Variants in PRKAR1B observed in about 807,000 individuals in gnomAD.
The protein encoded by PRKAR1B is cAMP-dependent protein kinase type I-beta regulatory subunit.
In PRKAR1B, 22 loss-of-function variants were observed where a neutral mutation model predicts 46.5. The ratio of observed to expected loss-of-function variants is 0.47; its 90% CI spans 0.34 to 0.68. The LOEUF is 0.68. Ranked by LOEUF, PRKAR1B falls within the 30% of genes least tolerant of loss-of-function variation. The pLI is 0.01. For missense variants in PRKAR1B, 445 were observed against 535.6 expected, an observed-to-expected ratio of 0.83 and a Z score of 1.67; for synonymous variants, 259 against 217.7, an observed-to-expected ratio of 1.19 and a Z score of -1.67.
At position 596,203 on chromosome 7, in the gene PRKAR1B, G is replaced by C. The variant is rs1258716453; in HGVS notation, c.651C>G (p.Ala217=). 3.7e-6 allele frequency: 6 copies of C among 1,613,922 alleles called. No individual in the cohort carries two copies. In the African/African-American group the frequency reaches 8.0e-5, roughly 22 times the overall value. ...TCCCCCAGAGCTTGAGGTCCGTCTT[G>C]GCTTTCACGGTCGCAGCCCTGGGGG... ...YGTPRAATVK[A]KTDLKLWGID... is the part of the protein sequence containing the mutation. The change falls in exon 7 of 11, where the codon GCC becomes GCG. Residue 217 remains alanine, a synonymous_variant. Transcript: ENST00000537384.
chr7:655,070 T>G (rs1785125993), intron 4 of PRKAR1B, among the ~76,000 whole-genome samples: 1 of 152,208 alleles, frequency 6.6e-6, no homozygotes, highest in African/African-American at 2.4e-5. Flanking sequence ...TGCCTGGAAT[T>G]AGCAAAACAA....
chr7:657,138 T>C (rs1343482613), intron 4 of PRKAR1B, among the ~76,000 whole-genome samples: 1 of 151,984 alleles, frequency 6.6e-6, no homozygotes, highest in Admixed American at 6.6e-5. Flanking sequence ...GATGGATGAA[T>C]GAATGAATGA....
chr7:608,138 G>A (rs1187010443), intron 4 of PRKAR1B: 2 of 152,838 alleles, frequency 1.3e-5, no homozygotes, highest in Admixed American at 6.5e-5. Context: ...CAGGAAGGTA[G>A]AGAGGCACCT....
intron 4 of PRKAR1B, among the ~76,000 whole-genome samples, chr7:668,418 G>A (rs1294301147): frequency 6.6e-6 from 1 of 152,192 alleles, no homozygotes; most frequent in Non-Finnish European, 1.5e-5. Flanking sequence ...GGTTTCCTGA[G>A]CCATCAGCCT....
intron 4 of PRKAR1B, among the ~76,000 whole-genome samples, chr7:608,680 T>C (rs71518316): frequency 0.28 from 6,087 of 21,400 alleles, 553 homozygotes; most frequent in African/African-American, 0.32. Flanking sequence ...TGTGGCAGGG[T>C]TGTAGGGAGG....
chr7:727,481 C>T (rs1160633693), upstream of PRKAR1B: 1 of 309,424 alleles, frequency 3.2e-6, no homozygotes, highest in East Asian at 5.0e-5. Flanking sequence ...CCCGCCTGCC[C>T]CAAAGCACCC....
intron 7 of PRKAR1B, among the ~76,000 whole-genome samples, chr7:594,979 C>T (rs1426891579): frequency 2.6e-5 from 4 of 152,228 alleles, no homozygotes; most frequent in East Asian, 3.8e-4. Flanking sequence ...GTGCTGTCTA[C>T]GCTCACTGGA....
intron 4 of PRKAR1B, among the ~76,000 whole-genome samples, chr7:636,465 G>A (rs1456791910): frequency 1.3e-5 from 2 of 151,128 alleles, no homozygotes; most frequent in Non-Finnish European, 2.9e-5. Context: ...ACCGGACTGT[G>A]CCCACTGTGC....
chr7:717,312 A>G (rs2128533212), intron 1 of PRKAR1B, among the ~76,000 whole-genome samples: 2 of 151,904 alleles, frequency 1.3e-5, no homozygotes, highest in Non-Finnish European at 2.9e-5. Flanking sequence ...AAAGAAAGAG[A>G]GAGAGACAGA....
At position 666,126 on chromosome 7, in the gene PRKAR1B, T is replaced by C. The variant is rs1288001190; in HGVS notation, c.440+11103A>G. On this transcript the variant is annotated intron_variant, in intron 4 of 10. Transcript: ENST00000537384. This position sits in a 1 kb window ranked among gnomAD's most constrained non-coding sequence, Gnocchi z 4.9. ...ATCACGTTTCTCGGCTCCCAGGAGC[T>C]CAGCGATGCTCCCCCTACAGGCGCC... Among the ~76,000 whole-genome samples, 2 of 152,062 alleles carry C rather than the reference T, an allele frequency of 1.3e-5. No homozygotes were observed. The highest frequency in any genetic ancestry group is 2.4e-5 in the African/African-American group (1 of 41,388).
At chr7:615,521 G>A (rs976402189) in intron 4 of PRKAR1B, among the ~76,000 whole-genome samples, 8 of 151,220 alleles carry the variant, frequency 5.3e-5, no homozygotes, top group African/African-American at 1.9e-4. Context: ...AGGAAGAAAG[G>A]AAAGAAAGAG....
At chr7:596,803 C>T (rs1241572050) in intron 6 of PRKAR1B, among the ~76,000 whole-genome samples, 1 of 152,258 alleles carries the variant, frequency 6.6e-6, no homozygotes, top group Admixed American at 6.5e-5. Flanking sequence ...TCCCCACCTC[C>T]ACCAGCACAC....
intron 2 of PRKAR1B, among the ~76,000 whole-genome samples, chr7:689,629 G>T (rs577504626): frequency 6.6e-6 from 1 of 151,958 alleles, no homozygotes; most frequent in African/African-American, 2.4e-5. Flanking sequence ...AAAAGATGGG[G>T]AGGATAAGGA....
chr7:618,753 G>T (rs1782962926), intron 4 of PRKAR1B, among the ~76,000 whole-genome samples: 1 of 152,158 alleles, frequency 6.6e-6, no homozygotes, highest in African/African-American at 2.4e-5. Flanking sequence ...TGATAGAAGG[G>T]TTGGTACCTT....
At chr7:715,957 C>T (rs6950552) in intron 1 of PRKAR1B, among the ~76,000 whole-genome samples, 73,479 of 151,854 alleles carry the variant, frequency 0.48, 18,419 homozygotes, top group Non-Finnish European at 0.55. Context: ...CCTCGTGATC[C>T]GCCCGCCTTG....
intron 4 of PRKAR1B, among the ~76,000 whole-genome samples, chr7:675,812 G>A (rs1265431107): frequency 6.6e-6 from 1 of 152,182 alleles, no homozygotes; most frequent in Admixed American, 6.5e-5. Flanking sequence ...CGGGCGTGGT[G>A]TCGGGATCCT....
chr7:710,641 T>TC (rs1462774298), intron 2 of PRKAR1B, among the ~76,000 whole-genome samples: 1 of 149,300 alleles, frequency 6.7e-6, no homozygotes, highest in African/African-American at 2.5e-5. Context: ...ATTTTCTTTT[T>TC]CCTTTTTTTT....
At chr7:569,158 C>T (rs1366700287) in intron 9 of PRKAR1B, among the ~76,000 whole-genome samples, 5 of 152,234 alleles carry the variant, frequency 3.3e-5, no homozygotes, top group East Asian at 3.9e-4. Context: ...GAAGACGCCT[C>T]GGCGTCCCTG....
intron 4 of PRKAR1B, among the ~76,000 whole-genome samples, chr7:661,702 C>A (rs529615674): frequency 2.3e-5 from 1 of 42,672 alleles, no homozygotes; most frequent in Non-Finnish European, 4.4e-5. Context: ...TACTCTCCCC[C>A]CCATGGCACA....
Sources: allele counts gnomAD v4.1 joint callset (sites outside exome capture counted in the v4.1 genomes callset), GRCh38; gene constraint gnomAD v4.1.1; non-coding constraint Gnocchi (gnomAD v3.1); transcripts MANE v1.5; gene names NCBI Gene and HGNC (gene_info 2026-07-23, HGNC 2026-07-21).